Variants in MUCL1 observed in about 807,000 individuals in gnomAD.
MUCL1 encodes the protein mucin like 1, also known as mucin-like protein 1.
In MUCL1, 11 loss-of-function variants were observed where a neutral mutation model predicts 9.2. The ratio of observed to expected loss-of-function variants is 1.19; its 90% confidence interval spans 0.75 to 1.97. MUCL1 has a LOEUF of 1.97. MUCL1 is among the 30% of genes most tolerant of loss of function. MUCL1 has a pLI of 0.00. For missense variants in MUCL1, 144 were observed against 110.9 expected, an observed-to-expected ratio of 1.30 and a Z score of -1.34; for synonymous variants, 48 against 40.5, an observed-to-expected ratio of 1.19 and a Z score of -0.71.
chr12:54,851,611 C>G (rs1023953160), upstream of MUCL1, among the ~76,000 whole-genome samples: 3 of 152,252 alleles, frequency 2.0e-5, no homozygotes, highest in East Asian at 5.8e-4. Flanking sequence ...GACAGGGATG[C>G]CCTCTCTCAC....
chr12:54,835,066 T>C (rs1455689316), upstream of MUCL1, among the ~76,000 whole-genome samples: 1 of 152,140 alleles, frequency 6.6e-6, no homozygotes, highest in Non-Finnish European at 1.5e-5. Flanking sequence ...AAGTTGCTAG[T>C]TGCTGCAAAA....
chr12:54,858,062 C>A, intron 3 of MUCL1, 131 bp from the exon 4 acceptor site: 3 of 1,100,160 alleles, frequency 2.7e-6, no homozygotes, highest in Non-Finnish European at 2.7e-6. Flanking sequence ...TAATAACAAT[C>A]CCATGTTCCT....
upstream of MUCL1, among the ~76,000 whole-genome samples, chr12:54,838,628 A>T (rs1959197353): frequency 6.6e-6 from 1 of 150,626 alleles, no homozygotes; most frequent in South Asian, 2.1e-4. Flanking sequence ...CATTTCTTTT[A>T]TTTTTTTTCT....
chr12:54,843,340 A>C (rs1460696200), intron 1 of MUCL1, among the ~76,000 whole-genome samples: 1 of 152,184 alleles, frequency 6.6e-6, no homozygotes, highest in African/African-American at 2.4e-5. Flanking sequence ...GAATTTTATC[A>C]AATGTTTTTC....
chr12:54,858,152 C>A (rs375293752), intron 3 of MUCL1, 41 bp from the exon 4 acceptor site: 2 of 1,611,096 alleles, frequency 1.2e-6, no homozygotes, highest in Non-Finnish European at 1.7e-6. Flanking sequence ...CATTCTTCAT[C>A]CTTTGTCGAA....
chr12:54,854,533 T>C lies in MUCL1; in HGVS notation c.-50T>C, dbSNP rs1868284555. On this transcript the variant is annotated 5_prime_UTR_variant, in exon 1 of 4. Transcript: ENST00000308796. ...CTGAAGTCAGCGCCTTGCCTTCTCT[T>C]AGGCTTTGAAGCATTTTTGTCTGTG... 1 of 1,522,122 alleles carries C rather than the reference T, an allele frequency of 6.6e-7. No individual in the cohort carries two copies. Among genetic ancestry groups the C allele is most frequent in the Non-Finnish European group, 9.1e-7 (1 of 1,101,826 alleles). The allele number at this position is 1,522,122 out of a possible 1,614,324, so 94.3% of individuals were successfully genotyped here.
chr12:54,845,496 T>C (rs1959241482), intron 1 of MUCL1, among the ~76,000 whole-genome samples: 2 of 152,198 alleles, frequency 1.3e-5, no homozygotes, highest in South Asian at 4.1e-4. Context: ...AAGTCTGTTC[T>C]GCAACAAAAC....
chr12:54,833,275 G>A (rs957462514), intron 1 of MUCL1, among the ~76,000 whole-genome samples: 5 of 151,974 alleles, frequency 3.3e-5, no homozygotes, highest in African/African-American at 1.2e-4. Flanking sequence ...AATTATATGA[G>A]GAGAACTGGA....
At chr12:54,833,151 G>A (rs540799020) in intron 1 of MUCL1, among the ~76,000 whole-genome samples, 1 of 151,800 alleles carries the variant, frequency 6.6e-6, no homozygotes, top group East Asian at 1.9e-4. Flanking sequence ...CTTTTTCCTT[G>A]GCTTTTTATG....
chr12:54,848,095 G>GT (rs56357108), intron 1 of MUCL1, among the ~76,000 whole-genome samples: 67,706 of 143,556 alleles, frequency 0.47, 16,294 homozygotes, highest in East Asian at 0.84. Context: ...GTTAATTCTT[G>GT]TTTGTTGAAA....
intron 1 of MUCL1, among the ~76,000 whole-genome samples, chr12:54,845,658 C>A (rs745731969): frequency 1.3e-5 from 2 of 152,078 alleles, no homozygotes; most frequent in Non-Finnish European, 2.9e-5. Flanking sequence ...TGACCTGCAA[C>A]TTGAGGGCCA....
intron 1 of MUCL1, among the ~76,000 whole-genome samples, chr12:54,832,016 A>T (rs1428142212): frequency 6.6e-6 from 1 of 152,134 alleles, no homozygotes; most frequent in Non-Finnish European, 1.5e-5. Flanking sequence ...TTTGATAGGA[A>T]ATATACGAGT....
intron 1 of MUCL1, among the ~76,000 whole-genome samples, chr12:54,834,155 C>T (rs1959189249): frequency 6.6e-6 from 1 of 152,044 alleles, no homozygotes; most frequent in Non-Finnish European, 1.5e-5. Flanking sequence ...TTTGCGTGAA[C>T]TTCATGAACT....
At chr12:54,850,645 C>T (rs1959324806), upstream of MUCL1, among the ~76,000 whole-genome samples, 6 of 152,132 alleles carry the variant, frequency 3.9e-5, no homozygotes, top group South Asian at 1.0e-3. Context: ...TTTTTAGCAG[C>T]ATGATTTATA....
chr12:54,856,179 C>G (rs540840364), intron 2 of MUCL1, among the ~76,000 whole-genome samples: 16 of 152,270 alleles, frequency 1.1e-4, no homozygotes, highest in Non-Finnish European at 2.2e-4. Context: ...TCACAATTAC[C>G]TCTCTAATAA....
chr12:54,846,131 A>C (rs936362355), intron 1 of MUCL1, among the ~76,000 whole-genome samples: 2 of 152,162 alleles, frequency 1.3e-5, no homozygotes, highest in South Asian at 4.1e-4. Flanking sequence ...AGATACAGAA[A>C]ATGGTCACAC....
chr12:54,849,264 T>G (rs1036416621), intron 1 of MUCL1, among the ~76,000 whole-genome samples: 1 of 152,124 alleles, frequency 6.6e-6, no homozygotes, highest in Non-Finnish European at 1.5e-5. Context: ...AACATTTGCT[T>G]TTTGGTATTG....
intron 1 of MUCL1, among the ~76,000 whole-genome samples, chr12:54,843,525 T>G (rs1201206873): frequency 6.6e-6 from 1 of 152,202 alleles, no homozygotes. Flanking sequence ...GTTAAAGTTG[T>G]TAATTAGCTG....
At chr12:54,857,989 G>A (rs886969830) in intron 3 of MUCL1, among the ~76,000 whole-genome samples, 1 of 152,058 alleles carries the variant, frequency 6.6e-6, no homozygotes, top group Admixed American at 6.6e-5. Flanking sequence ...ACCTACCTGG[G>A]CTTCCGTCTA....
Sources: gnomAD v4.1 joint callset for allele counts (sites outside exome capture counted in the v4.1 genomes callset) on GRCh38, gnomAD v4.1.1 for gene constraint, MANE v1.5 for transcripts, NCBI Gene and HGNC (gene_info 2026-07-23, HGNC 2026-07-21) for gene names.